IRX2: variants seen among roughly 807,000 people sequenced by gnomAD.
IRX2 encodes the protein iroquois-class homeodomain protein IRX-2.
IRX2 carries 26 observed loss-of-function variants against 42.9 expected under a neutral mutation model. The ratio of observed to expected loss-of-function variants is 0.61; its 90% CI spans 0.44 to 0.84. The LOEUF (loss-of-function observed/expected upper bound fraction) is 0.84. Ranked by LOEUF, IRX2 falls within the 40% of genes least tolerant of loss-of-function variation. The pLI is 0.00. For missense variants in IRX2, 782 were observed against 713.9 expected (o/e 1.10, Z -1.09); for synonymous variants, 424 against 353.9 (o/e 1.20, Z -2.22).
chr5:2,743,196 G>A (rs1737579824), downstream of IRX2, among the ~76,000 whole-genome samples: 1 of 152,094 alleles, frequency 6.6e-6, no homozygotes, highest in South Asian at 2.1e-4. Flanking sequence ...GCCCCTCTAG[G>A]CCCCAGCACC....
At chr5:2,750,240 G>C (rs1737890183) in intron 1 of IRX2, among the ~76,000 whole-genome samples, 1 of 152,074 alleles carries the variant, frequency 6.6e-6, no homozygotes, top group African/African-American at 2.4e-5. Flanking sequence ...CTCTAAAGCT[G>C]GGCAAATCCA....
chr5:2,737,770 T>C, the IRX2 span: 1 of 152,318 alleles, frequency 6.6e-6, no homozygotes, highest in Admixed American at 6.5e-5. Context: ...CCAGTTCTTG[T>C]AGGAAGTGGC....
At position 2,749,776 on chromosome 5, in the gene IRX2, G is replaced by A; in HGVS notation, c.261C>T (p.Tyr87=). ...AGFPSYMGAP[Y]DAHTTGMTGA... is the part of the protein sequence containing the mutation. ...CGGTCATGCCGGTGGTGTGCGCGTCGTAGGGTGCGCCCTGGAACCAACAAG... is the reference window on the plus strand; with the variant it reads ...CGGTCATGCCGGTGGTGTGCGCGTCATAGGGTGCGCCCTGGAACCAACAAG... Residue 87 remains tyrosine (Y), a synonymous_variant, in exon 2 of 4, where the codon TAC becomes TAT. Transcript: ENST00000302057. 1.9e-6 allele frequency: 3 copies of A among 1,605,424 alleles called. No homozygotes were observed. Among genetic ancestry groups the A allele is most frequent in the South Asian group, 1.1e-5 (1 of 90,332 alleles).
At chr5:2,738,530 G>A in the IRX2 span, among the ~76,000 whole-genome samples, 654 of 152,080 alleles carry the variant, frequency 4.3e-3, 8 homozygotes, top group African/African-American at 0.015. Flanking sequence ...CCTCCCGGCC[G>A]CCTCTTTGGT....
At chr5:2,740,628 T>A in the IRX2 span, among the ~76,000 whole-genome samples, 1 of 152,050 alleles carries the variant, frequency 6.6e-6, no homozygotes, top group East Asian at 1.9e-4. Flanking sequence ...CAACCCTGGG[T>A]GGGCGTTTAA....
the IRX2 span, among the ~76,000 whole-genome samples, chr5:2,740,191 G>GAT: frequency 2.7e-5 from 4 of 149,474 alleles, no homozygotes; most frequent in Non-Finnish European, 6.0e-5. Flanking sequence ...GCGGGGGCGG[G>GAT]GGTCCTGCCC....
rs1305835408 is a variant in IRX2 at position 2,746,350 on chromosome 5, T to C, written c.*1214A>G. On this transcript the variant is annotated 3_prime_UTR_variant, in exon 4 of 4. Coordinates refer to ENST00000302057, the MANE Select transcript of IRX2 (RefSeq NM_033267.5). ...ATAAATTACTAGAAGCTTTATATCA[T>C]TATAAAAATAAATATCAAATTTGTT... 6.6e-6 allele frequency: 1 copy of C among 152,194 alleles called. No individual in the cohort carries two copies. The highest frequency in any genetic ancestry group is 1.5e-5 in the Non-Finnish European group (1 of 68,034). 9.4% of individuals were successfully genotyped at this position (152,194 alleles called of 1,614,324 possible).
intron 1 of IRX2, among the ~76,000 whole-genome samples, chr5:2,750,230 C>G (rs1579630514): frequency 6.6e-6 from 1 of 152,334 alleles, no homozygotes; most frequent in Non-Finnish European, 1.5e-5. Context: ...CTATTCACTG[C>G]TCTAAAGCTG....
Position 2,751,233 on chromosome 5 carries a change from C to T in IRX2, c.181G>A (p.Gly61Ser). Reference protein sequence around the residue: ...SAAFTAQAATGFGSPLQYSAD... With the variant: ...SAAFTAQAATSFGSPLQYSAD... ...GAGTACTGCAGCGGGCTCCCGAAGC[C>T]GGTGGCCGCCTGCGCCGTGAAGGCC... Residue 61 changes from glycine to serine, a missense_variant, in exon 1 of 4, where the codon GGC (glycine) becomes AGC (serine). Around this residue, in one of 3 missense-constraint regions of IRX2, gnomAD observed 256 missense variants for 250.0 expected, o/e 1.02. Coordinates refer to ENST00000302057, the MANE Select transcript of IRX2 (RefSeq NM_033267.5). This position sits in a 1 kb window ranked among gnomAD's most constrained non-coding sequence, Gnocchi z 4.0. 1.5e-6 allele frequency: 2 copies of T among 1,371,640 alleles called. No individual in the cohort carries two copies. Among genetic ancestry groups the T allele is most frequent in the Non-Finnish European group, 1.9e-6 (2 of 1,062,568 alleles). The allele number at this position is 1,371,640 out of a possible 1,614,324, so 85.0% of individuals were successfully genotyped here.
At chr5:2,742,490 A>G (rs1159389566), downstream of IRX2, among the ~76,000 whole-genome samples, 2 of 152,230 alleles carry the variant, frequency 1.3e-5, no homozygotes, top group African/African-American at 2.4e-5. Context: ...TGTTAATCAT[A>G]ATATCCACAT....
Position 2,751,225 on chromosome 5 carries a change from C to T in IRX2, c.189G>A (p.Gly63=). The change falls in exon 1 of 4, where the codon GGG becomes GGA. Residue 63 remains glycine (G), a synonymous_variant. Transcript: ENST00000302057. This position sits in a 1 kb window ranked among gnomAD's most constrained non-coding sequence, Gnocchi z 4.0. ...CGTCGGCCGAGTACTGCAGCGGGCT[C>T]CCGAAGCCGGTGGCCGCCTGCGCCG... The part of the protein sequence containing the change: ...AFTAQAATGF[G]SPLQYSADAA... 1 of 1,366,820 alleles carries T rather than the reference C, an allele frequency of 7.3e-7. No homozygotes were observed. Among genetic ancestry groups the T allele is most frequent in the Non-Finnish European group, 9.4e-7 (1 of 1,060,198 alleles). 84.7% of individuals were successfully genotyped at this position (1,366,820 alleles called of 1,614,324 possible).
the IRX2 span, among the ~76,000 whole-genome samples, chr5:2,735,709 A>C: frequency 6.6e-6 from 1 of 152,228 alleles, no homozygotes; most frequent in East Asian, 1.9e-4. Flanking sequence ...TTTCTATATG[A>C]TGTAAGCAGA....
the IRX2 span, among the ~76,000 whole-genome samples, chr5:2,739,698 G>A: frequency 6.6e-6 from 1 of 152,194 alleles, no homozygotes; most frequent in African/African-American, 2.4e-5. Context: ...GGCGCTCTGC[G>A]GCGCTGCTTT....
chr5:2,742,940 A>ACTT (rs1419711005), downstream of IRX2, among the ~76,000 whole-genome samples: 34 of 152,370 alleles, frequency 2.2e-4, no homozygotes, highest in African/African-American at 7.7e-4. Context: ...ATGCAATTGT[A>ACTT]AATGATCCGA....
In IRX2 at chr5:2,749,784, C is replaced by G; in HGVS notation, c.253G>C (p.Ala85Pro). The change falls in exon 2 of 4, where the codon GCA (alanine) becomes CCA (proline). Residue 85 changes from alanine (A) to proline (P), a missense_variant. This residue lies in a region of IRX2 where 256 missense variants were observed against 250.0 expected (regional missense o/e 1.02). Transcript: ENST00000302057. The part of the protein sequence containing the change: ...AAAGFPSYMG[A>P]PYDAHTTGMT... ...CCGGTGGTGTGCGCGTCGTAGGGTG[C>G]GCCCTGGAACCAACAAGAGCCTGTG... The G allele has an allele frequency of 6.3e-7, 1 of 1,599,526 alleles. No individual in the cohort carries two copies. The highest frequency in any genetic ancestry group is 8.5e-7 in the Non-Finnish European group (1 of 1,173,348).
At chr5:2,740,882 G>C (rs571376678), downstream of IRX2, among the ~76,000 whole-genome samples, 1 of 152,322 alleles carries the variant, frequency 6.6e-6, no homozygotes, top group East Asian at 1.9e-4. Context: ...TCTTGGAGCT[G>C]AGACCTCCTC....
chr5:2,749,585 G>A lies in IRX2; in HGVS notation c.452C>T (p.Ala151Val). 6.2e-7 allele frequency: 1 copy of A among 1,614,234 alleles called. No homozygotes were observed. Among genetic ancestry groups the A allele is most frequent in the Non-Finnish European group, 8.5e-7 (1 of 1,180,040 alleles). Residue 151 changes from alanine to valine, a missense_variant, in exon 2 of 4, where the codon GCC (alanine) becomes GTC (valine). Coordinates refer to ENST00000302057, the MANE Select transcript of IRX2 (RefSeq NM_033267.5). ...YPTKGEKIML[A>V]IITKMTLTQV... ...GGTGAGGGTCATCTTGGTGATGATGGCTAGCATGATCTTCTCGCCCTTGGT... is the reference window on the plus strand; with the variant it reads ...GGTGAGGGTCATCTTGGTGATGATGACTAGCATGATCTTCTCGCCCTTGGT...
chr5:2,749,617 G>C lies in IRX2; in HGVS notation c.420C>G (p.Pro140=), dbSNP rs371220728. The C allele has an allele frequency of 3.7e-6, 6 of 1,614,120 alleles. No individual in the cohort carries two copies. The highest frequency in any genetic ancestry group is 4.2e-6 in the Non-Finnish European group (5 of 1,180,040). ...TGATCTTCTCGCCCTTGGTGGGGTA[G>C]GGGTTCTTGCGGTGCTCGTTGAGCC... is the stretch of plus-strand genomic sequence containing the variant. ...KAWLNEHRKN[P]YPTKGEKIML... Residue 140 remains proline, a synonymous_variant, in exon 2 of 4, where the codon CCC becomes CCG. Transcript: ENST00000302057.
rs201606610 is a variant in IRX2 at position 2,748,980 on chromosome 5, C to A, written c.728G>T (p.Cys243Phe). 1 of 1,597,398 alleles carries A rather than the reference C, an allele frequency of 6.3e-7. No homozygotes were observed. Among genetic ancestry groups the A allele is most frequent in the South Asian group, 1.1e-5 (1 of 90,916 alleles). Residue 243 changes from cysteine (C) to phenylalanine (F), a missense_variant, in exon 3 of 4, where the codon TGC (cysteine) becomes TTC (phenylalanine). Transcript: ENST00000302057. ...SAESDGEKLPCRAGDPLCESG... is the reference protein window; with the variant it reads ...SAESDGEKLPFRAGDPLCESG... ...TTCGCACAGGGGGTCCCCGGCGCGG[C>A]ACGGAAGCTTCTCCCCGTCCGACTC...
Sources: allele counts gnomAD v4.1 joint callset (sites outside exome capture counted in the v4.1 genomes callset), GRCh38; gene constraint gnomAD v4.1.1; regional missense constraint gnomAD v4.1.1; non-coding constraint Gnocchi (gnomAD v3.1); transcripts MANE v1.5; gene names NCBI Gene and HGNC (gene_info 2026-07-23, HGNC 2026-07-21).